CA8: variants seen among roughly 807,000 people sequenced by gnomAD.
CA8 encodes carbonic anhydrase-related protein.
Under a neutral mutation model 41.4 loss-of-function variants are expected in CA8, and 22 were observed. That is an observed-to-expected ratio of 0.53 (90% CI 0.38 to 0.76). The LOEUF (loss-of-function observed/expected upper bound fraction) is 0.76. Ranked by LOEUF, CA8 falls within the 30% of genes least tolerant of loss-of-function variation. The pLI is 0.00. For missense variants in CA8, 270 were observed against 352.8 expected (o/e 0.77, Z 1.88); for synonymous variants, 121 against 130.6 (o/e 0.93, Z 0.50).
intron 5 of CA8, among the ~76,000 whole-genome samples, chr8:60,225,575 C>A (rs766029227): frequency 1.3e-5 from 2 of 152,170 alleles, no homozygotes; most frequent in Non-Finnish European, 2.9e-5. Flanking sequence ...TCCTTCCAAA[C>A]CTACTCAGGA....
intron 3 of CA8, among the ~76,000 whole-genome samples, chr8:60,256,105 TCA>T (rs1257051206): frequency 6.6e-6 from 1 of 152,248 alleles, no homozygotes; most frequent in East Asian, 1.9e-4. Context: ...AGATGGTGTT[TCA>T]CCATGTTGGT....
chr8:60,271,825 T>C (rs1003695202), intron 2 of CA8, among the ~76,000 whole-genome samples: 31 of 152,240 alleles, frequency 2.0e-4, no homozygotes, highest in Non-Finnish European at 4.3e-4. Flanking sequence ...TGTAATTATT[T>C]TTTATGCTTA....
At chr8:60,251,832 C>T (rs959599007) in intron 3 of CA8, among the ~76,000 whole-genome samples, 1 of 152,170 alleles carries the variant, frequency 6.6e-6, no homozygotes, top group African/African-American at 2.4e-5. Flanking sequence ...ATTTTTCCTA[C>T]AAAGAAGGCT....
chr8:60,208,569 A>G (rs1018665041), intron 8 of CA8, 181 bp downstream of exon 8: 4 of 617,390 alleles, frequency 6.5e-6, no homozygotes, highest in Non-Finnish European at 1.1e-5. Context: ...TCAATACTGC[A>G]TAAAATTAAA....
intron 6 of CA8, among the ~76,000 whole-genome samples, chr8:60,223,708 T>C (rs1807328087): frequency 6.6e-6 from 1 of 152,212 alleles, no homozygotes; most frequent in African/African-American, 2.4e-5. Context: ...TAGCTCTGCA[T>C]TAGAGGAATT....
chr8:60,189,156 G>A lies in CA8; in HGVS notation c.*865C>T, dbSNP rs1431371417. The A allele has an allele frequency of 6.6e-6, 1 of 152,014 alleles. No homozygotes were observed. The highest frequency in any genetic ancestry group is 1.5e-5 in the Non-Finnish European group (1 of 67,988). The allele number at this position is 152,014 out of a possible 1,614,324, so 9.4% of individuals were successfully genotyped here. ...AATGTCTTAACATACCAAAGTAGTG[G>A]AATCAATAGAATAAAATATTTAAGT... On this transcript the variant is annotated 3_prime_UTR_variant, in exon 9 of 9. Coordinates refer to ENST00000317995, the MANE Select transcript of CA8 (RefSeq NM_004056.6).
chr8:60,253,473 T>A (rs1241052418), intron 3 of CA8, among the ~76,000 whole-genome samples: 1 of 152,182 alleles, frequency 6.6e-6, no homozygotes, highest in East Asian at 1.9e-4. Flanking sequence ...CGACTCCATT[T>A]ATCCTCAACT....
At chr8:60,275,450 G>A (rs1482712413) in intron 2 of CA8, among the ~76,000 whole-genome samples, 1 of 150,866 alleles carries the variant, frequency 6.6e-6, no homozygotes, top group Non-Finnish European at 1.5e-5. Context: ...AATAAATACT[G>A]GATGTTGTAT....
intron 8 of CA8, among the ~76,000 whole-genome samples, chr8:60,204,009 C>G (rs533990756): frequency 2.6e-5 from 4 of 152,182 alleles, no homozygotes; most frequent in Admixed American, 2.6e-4. Context: ...CCTGTCCAGG[C>G]AGGTTCCCAC....
chr8:60,276,904 A>T (rs1045549733), intron 2 of CA8, among the ~76,000 whole-genome samples: 9 of 152,130 alleles, frequency 5.9e-5, no homozygotes, highest in Non-Finnish European at 1.2e-4. Context: ...GGATCACCTG[A>T]GGTCAGGAGT....
At chr8:60,198,455 T>A (rs1458828614) in intron 8 of CA8, among the ~76,000 whole-genome samples, 2 of 152,178 alleles carry the variant, frequency 1.3e-5, no homozygotes, top group Non-Finnish European at 2.9e-5. Context: ...TAAACTTAGC[T>A]TTTAAAGTTC....
rs988787804 is a variant in CA8 at position 60,192,564 on chromosome 8, T to G, written c.*36-2579A>C. Among the ~76,000 whole-genome samples the G allele has an allele frequency of 2.0e-5, 3 of 152,162 alleles. No homozygotes were observed. The South Asian group carries it at 6.2e-4, about 32-fold the overall frequency. On this transcript the variant is annotated intron_variant, in intron 8 of 8. Transcript: ENST00000317995. ...TAGAGAAAGTTTTCATAGGATAAAG[T>G]AATGCTTGGTCTCATCTGTTCCGTA...
Position 60,208,635 on chromosome 8 carries a change from A to G in CA8, c.*35+115T>C, listed in dbSNP as rs886162892. 136 of 880,326 alleles carry G rather than the reference A, an allele frequency of 1.5e-4. 1 individual carries two copies. Among genetic ancestry groups the G allele is most frequent in the Non-Finnish European group, 2.3e-4 (126 of 541,980 alleles). The allele number at this position is 880,326 out of a possible 1,614,324, so 54.5% of individuals were successfully genotyped here. On this transcript the variant is annotated intron_variant, in intron 8 of 8. Coordinates refer to ENST00000317995, the MANE Select transcript of CA8 (RefSeq NM_004056.6). Reference sequence around the variant, plus strand: ...CAAGAATGTGTCATAAATTTTATCAAGATGAAGTACATACGCTTTTATTAC... The same window carrying G: ...CAAGAATGTGTCATAAATTTTATCAGGATGAAGTACATACGCTTTTATTAC...
chr8:60,192,093 A>G (rs1252726797), intron 8 of CA8, among the ~76,000 whole-genome samples: 5 of 152,152 alleles, frequency 3.3e-5, no homozygotes, highest in South Asian at 2.1e-4. Context: ...TATTTTTCAA[A>G]GAAATGACAC....
chr8:60,219,941 A>C lies in CA8; in HGVS notation c.738+2708T>G, dbSNP rs565038709. Reference sequence around the variant, plus strand: ...CTAAATCTTAACTTAAAAAAAAAAAAAAAAAAAAAAAACACTTGACTATTC... The same window carrying C: ...CTAAATCTTAACTTAAAAAAAAAAACAAAAAAAAAAAACACTTGACTATTC... On this transcript the variant is annotated intron_variant, in intron 7 of 8. Transcript: ENST00000317995. Among the ~76,000 whole-genome samples the C allele has an allele frequency of 1.5e-3, 203 of 132,908 alleles. 2 individuals carry two copies. The highest frequency in any genetic ancestry group is 5.1e-3 in the African/African-American group (195 of 38,304). 87.2% of individuals were successfully genotyped at this position (132,908 alleles called of 152,430 possible). A position where few individuals can be genotyped will look rare whatever the true frequency, so the allele number is the denominator to read the frequency against.
chr8:60,259,152 G>C (rs1259759921), intron 3 of CA8, among the ~76,000 whole-genome samples: 1 of 152,122 alleles, frequency 6.6e-6, no homozygotes, highest in Non-Finnish European at 1.5e-5. Context: ...TGAATACATG[G>C]ATATGAGTTA....
chr8:60,222,569 A>C, intron 7 of CA8, 80 bp downstream of exon 7: 1 of 915,042 alleles, frequency 1.1e-6, no homozygotes, highest in Non-Finnish European at 1.8e-6. Flanking sequence ...AAGCTAAAAC[A>C]CAAAACAGAC....
chr8:60,241,425 G>GGATTCAGAATCTTCCATT (rs1217521861), intron 3 of CA8, among the ~76,000 whole-genome samples: 5 of 152,328 alleles, frequency 3.3e-5, no homozygotes, highest in African/African-American at 1.2e-4. Flanking sequence ...AGTGTTCTTA[G>GGATTCAGAATCTTCCATT]TAAAAGGCAC....
At chr8:60,239,769 C>T (rs1224582427) in intron 3 of CA8, among the ~76,000 whole-genome samples, 1 of 152,098 alleles carries the variant, frequency 6.6e-6, no homozygotes, top group Admixed American at 6.5e-5. Flanking sequence ...GGGAGCAGTT[C>T]CCCCCATACT....
Sources: gnomAD v4.1 joint callset for allele counts (sites outside exome capture counted in the v4.1 genomes callset) on GRCh38, gnomAD v4.1.1 for gene constraint, MANE v1.5 for transcripts, NCBI Gene and HGNC (gene_info 2026-07-23, HGNC 2026-07-21) for gene names.